Variants in GRM5 observed in about 807,000 individuals in gnomAD.
GRM5 encodes the protein metabotropic glutamate receptor 5.
In GRM5, 19 loss-of-function variants were observed where a neutral mutation model predicts 83.1. The ratio of observed to expected loss-of-function variants is 0.23; its 90% confidence interval spans 0.16 to 0.34. GRM5 has a LOEUF of 0.34. Ranked by LOEUF, GRM5 falls within the 10% of genes least tolerant of loss-of-function variation. GRM5 has a pLI of 1.00. For missense variants in GRM5, 1,160 were observed against 1,588.3 expected (o/e 0.73, Z 4.58); for synonymous variants, 675 against 633.6 (o/e 1.07, Z -0.98).
chr11:88,747,257 G>T (rs1903850), intron 3 of GRM5, among the ~76,000 whole-genome samples: 9,146 of 152,190 alleles, frequency 0.06, 457 homozygotes, highest in Admixed American at 0.16. Flanking sequence ...GATGCATGTG[G>T]TTTTCACCAT....
chr11:88,661,072 A>G (rs1481625894), intron 3 of GRM5, among the ~76,000 whole-genome samples: 2 of 152,186 alleles, frequency 1.3e-5, no homozygotes, highest in African/African-American at 2.4e-5. Context: ...CATAGAGGTA[A>G]CATGATGCTT....
chr11:88,824,923 A>C (rs1468796579), intron 3 of GRM5, among the ~76,000 whole-genome samples: 1 of 152,196 alleles, frequency 6.6e-6, no homozygotes, highest in Non-Finnish European at 1.5e-5. Context: ...TTGCATGTTC[A>C]TTTTCAGAGT....
At chr11:88,793,365 G>T (rs1943213391) in intron 3 of GRM5, among the ~76,000 whole-genome samples, 1 of 152,108 alleles carries the variant, frequency 6.6e-6, no homozygotes, top group Admixed American at 6.6e-5. Flanking sequence ...TAATTCGAGA[G>T]AATTAATGGA....
intron 2 of GRM5, among the ~76,000 whole-genome samples, chr11:88,977,007 A>G (rs1192071181): frequency 6.6e-6 from 1 of 151,822 alleles, no homozygotes; most frequent in East Asian, 1.9e-4. Context: ...TAATTTTCTA[A>G]TAGATCATAT....
intron 3 of GRM5, among the ~76,000 whole-genome samples, chr11:88,764,069 T>C (rs894266941): frequency 6.6e-6 from 1 of 151,616 alleles, no homozygotes; most frequent in Non-Finnish European, 1.5e-5. Flanking sequence ...AAAATATTAT[T>C]ATATTACTGT....
chr11:89,034,787 G>T (rs1229871067), intron 2 of GRM5, among the ~76,000 whole-genome samples: 3 of 149,520 alleles, frequency 2.0e-5, no homozygotes, highest in Non-Finnish European at 4.5e-5. Flanking sequence ...ACAAGTTTTA[G>T]GTTATTTTTA....
chr11:88,770,823 A>G (rs1404161557), intron 3 of GRM5, among the ~76,000 whole-genome samples: 1 of 152,152 alleles, frequency 6.6e-6, no homozygotes, highest in Non-Finnish European at 1.5e-5. Context: ...TCAGAACGTT[A>G]ATCTAAGTAC....
At chr11:89,040,616 G>A (rs1158361973) in intron 2 of GRM5, among the ~76,000 whole-genome samples, 1 of 152,118 alleles carries the variant, frequency 6.6e-6, no homozygotes, top group Non-Finnish European at 1.5e-5. Flanking sequence ...CAGGAGGATC[G>A]TTTGAGACCA....
At chr11:88,784,552 G>GT (rs1412150345) in intron 3 of GRM5, among the ~76,000 whole-genome samples, 1 of 136,668 alleles carries the variant, frequency 7.3e-6, no homozygotes. Context: ...ACCTGATGTT[G>GT]AAGAGCTGTG....
At chr11:88,888,514 T>C (rs1945084095) in intron 2 of GRM5, among the ~76,000 whole-genome samples, 1 of 152,174 alleles carries the variant, frequency 6.6e-6, no homozygotes, top group Non-Finnish European at 1.5e-5. Flanking sequence ...TTTTATGATG[T>C]TCATTCAACC....
chr11:88,754,544 C>G (rs903338206), intron 3 of GRM5, among the ~76,000 whole-genome samples: 6 of 152,166 alleles, frequency 3.9e-5, no homozygotes, highest in Admixed American at 1.3e-4. Flanking sequence ...GGAAGGGAAC[C>G]AATACTCAAA....
intron 3 of GRM5, among the ~76,000 whole-genome samples, chr11:88,757,166 G>A (rs539864436): frequency 2.6e-5 from 4 of 152,026 alleles, no homozygotes; most frequent in African/African-American, 7.2e-5. Context: ...AAAAAAAACC[G>A]ATCTGTCAAA....
chr11:88,506,273 A>T lies in GRM5; in HGVS notation c.*2319T>A, dbSNP rs1052240650. ...ATGAATTTGACCATGAACAAAGTTTAAACATGTTCTTCAACTGGTCTAGAG... is the reference window on the plus strand; with the variant it reads ...ATGAATTTGACCATGAACAAAGTTTTAACATGTTCTTCAACTGGTCTAGAG... On this transcript the variant is annotated 3_prime_UTR_variant, in exon 10 of 10. Transcript: ENST00000305447. 9 of 152,200 alleles carry T rather than the reference A, an allele frequency of 5.9e-5. No individual in the cohort carries two copies. The highest frequency in any genetic ancestry group is 2.2e-4 in the African/African-American group (9 of 41,448). The allele number at this position is 152,200 out of a possible 1,614,324, so 9.4% of individuals were successfully genotyped here.
At chr11:88,739,387 T>C (rs946446680) in intron 3 of GRM5, among the ~76,000 whole-genome samples, 3 of 152,128 alleles carry the variant, frequency 2.0e-5, no homozygotes, top group Admixed American at 6.6e-5. Flanking sequence ...AAGTATTCTA[T>C]AGGCAAAAAT....
rs187726537 is a variant in GRM5, at chr11:88,990,289, A to C, written c.661+56923T>G. ...GAAATGGATAAATTCCTCGACCCAT[A>C]CACTTTCCCAAGACTAAACCAGGAA... On this transcript the variant is annotated intron_variant, in intron 2 of 9. Transcript: ENST00000305447. 7.0e-4 allele frequency among the ~76,000 whole-genome samples: 106 copies of C among 152,310 alleles called. 1 individual carries two copies. The highest frequency in any genetic ancestry group is 6.4e-3 in the Admixed American group (98 of 15,304).
intron 3 of GRM5, among the ~76,000 whole-genome samples, chr11:88,709,722 G>A (rs2219746): frequency 0.25 from 38,349 of 151,984 alleles, 4,990 homozygotes; most frequent in Middle Eastern, 0.3. Context: ...CCATTTCCGG[G>A]CAAGCTTGTG....
chr11:88,519,353 G>T (rs1221890963), intron 9 of GRM5, among the ~76,000 whole-genome samples: 19 of 152,034 alleles, frequency 1.2e-4, no homozygotes, highest in African/African-American at 4.3e-4. Flanking sequence ...GAAGCAGAAG[G>T]AATGATGGTC....
chr11:88,524,214 CTTTTTT>C (rs71470770), intron 9 of GRM5, among the ~76,000 whole-genome samples: 38,341 of 101,146 alleles, frequency 0.38, 6,213 homozygotes, highest in East Asian at 0.46. Flanking sequence ...TTCTTTCTTT[CTTTTTT>C]TTTTTTTTTT....
chr11:89,024,651 A>G (rs1382590652), intron 2 of GRM5, among the ~76,000 whole-genome samples: 1 of 152,212 alleles, frequency 6.6e-6, no homozygotes, highest in Admixed American at 6.5e-5. Flanking sequence ...ATATATTATG[A>G]CCAAAAATAT....
Sources: allele counts gnomAD v4.1 joint callset (sites outside exome capture counted in the v4.1 genomes callset), GRCh38; gene constraint gnomAD v4.1.1; transcripts MANE v1.5; gene names NCBI Gene and HGNC (gene_info 2026-07-23, HGNC 2026-07-21).